DACH1: variants seen among roughly 807,000 people sequenced by gnomAD.
DACH1 encodes the protein dachshund homolog 1.
DACH1 carries 12 observed loss-of-function variants against 54.2 expected under a neutral mutation model. That is an observed-to-expected ratio of 0.22 (90% CI 0.14 to 0.36). DACH1 has a LOEUF of 0.36. DACH1 is among the 10% of genes least tolerant of loss of function. The pLI is 1.00. For synonymous variants in DACH1, 386 were observed against 366.2 expected, an observed-to-expected ratio of 1.05 and a Z score of -0.62; for missense variants, 805 against 929.8, an observed-to-expected ratio of 0.87 and a Z score of 1.75.
chr13:71,661,892 T>C (rs1879516499), intron 2 of DACH1, among the ~76,000 whole-genome samples: 1 of 151,994 alleles, frequency 6.6e-6, no homozygotes, highest in Admixed American at 6.6e-5. Flanking sequence ...TCTGGAACAA[T>C]GGAGAATTAA....
chr13:71,458,874 T>C, intron 10 of DACH1, among the ~76,000 whole-genome samples: 1 of 152,014 alleles, frequency 6.6e-6, no homozygotes, highest in Admixed American at 6.6e-5. Context: ...ATATGTATTT[T>C]ATTAGAAGTA....
chr13:71,460,843 T>A (rs906039792), intron 10 of DACH1, among the ~76,000 whole-genome samples: 29 of 152,080 alleles, frequency 1.9e-4, no homozygotes, highest in Non-Finnish European at 3.8e-4. Flanking sequence ...GCAAATATGT[T>A]ACAAACCTCA....
chr13:71,610,339 C>T (rs780888862), intron 3 of DACH1, among the ~76,000 whole-genome samples: 13 of 152,164 alleles, frequency 8.5e-5, no homozygotes, highest in Non-Finnish European at 1.9e-4. Flanking sequence ...TACTGTCATA[C>T]AGAATATGAA....
At chr13:71,733,715 C>A (rs996723309) in intron 1 of DACH1, among the ~76,000 whole-genome samples, 1 of 152,004 alleles carries the variant, frequency 6.6e-6, no homozygotes, top group Non-Finnish European at 1.5e-5. Context: ...TCATAAGGTG[C>A]CATTTTATTA....
At chr13:71,450,448 C>G (rs1261792666) in intron 10 of DACH1, among the ~76,000 whole-genome samples, 1 of 152,058 alleles carries the variant, frequency 6.6e-6, no homozygotes, top group African/African-American at 2.4e-5. Flanking sequence ...TCTGACTGTT[C>G]CACCAACAAC....
chr13:71,665,913 T>C (rs1879802875), intron 2 of DACH1, among the ~76,000 whole-genome samples: 2 of 152,114 alleles, frequency 1.3e-5, no homozygotes, highest in Admixed American at 1.3e-4. Flanking sequence ...TTAATACTCA[T>C]CTGTTAAATG....
At chr13:71,720,285 A>T (rs1883169519) in intron 1 of DACH1, among the ~76,000 whole-genome samples, 1 of 152,208 alleles carries the variant, frequency 6.6e-6, no homozygotes, top group Non-Finnish European at 1.5e-5. Context: ...AGGCTGGCAG[A>T]CATTTGGACT....
At chr13:71,798,775 C>T (rs1344540987) in intron 1 of DACH1, among the ~76,000 whole-genome samples, 1 of 152,046 alleles carries the variant, frequency 6.6e-6, no homozygotes, top group East Asian at 1.9e-4. Flanking sequence ...ACCTCTGCTG[C>T]TCTTCTCCTT....
chr13:71,593,627 A>T lies in DACH1; in HGVS notation c.1127-20615T>A, dbSNP rs1039508748. Reference sequence around the variant, plus strand: ...TGAATGTTATCCATTTTAAAATTCAAGAAAATGCTGTTGAGTGGGAATATG... The same window carrying T: ...TGAATGTTATCCATTTTAAAATTCATGAAAATGCTGTTGAGTGGGAATATG... On this transcript the variant is annotated intron_variant, in intron 3 of 10. Transcript: ENST00000613252. 1.3e-5 allele frequency among the ~76,000 whole-genome samples: 2 copies of T among 152,130 alleles called. 1 individual carries two copies. The highest frequency in any genetic ancestry group is 3.8e-4 in the East Asian group (2 of 5,206).
intron 2 of DACH1, among the ~76,000 whole-genome samples, chr13:71,664,801 A>C (rs923901822): frequency 1.3e-5 from 2 of 152,018 alleles, no homozygotes; most frequent in African/African-American, 4.8e-5. Flanking sequence ...TACAAATTGA[A>C]TATTTGAAAA....
chr13:71,656,507 T>C (rs1324315696), intron 2 of DACH1, among the ~76,000 whole-genome samples: 4 of 152,120 alleles, frequency 2.6e-5, no homozygotes, highest in African/African-American at 9.7e-5. Context: ...AAATTTTCTC[T>C]GTTTGATTTA....
intron 7 of DACH1, among the ~76,000 whole-genome samples, chr13:71,483,341 T>C (rs1878212635): frequency 6.8e-6 from 1 of 147,896 alleles, no homozygotes; most frequent in Non-Finnish European, 1.5e-5. Context: ...CTTCTCCTAA[T>C]TAATATTATA....
chr13:71,448,594 A>G (rs528836441), intron 10 of DACH1, among the ~76,000 whole-genome samples: 1 of 152,342 alleles, frequency 6.6e-6, no homozygotes, highest in Admixed American at 6.5e-5. Context: ...CTGCTAAAGC[A>G]AGAAAGCAGA....
At chr13:71,747,220 T>C (rs1884636215) in intron 1 of DACH1, among the ~76,000 whole-genome samples, 1 of 151,858 alleles carries the variant, frequency 6.6e-6, no homozygotes, top group African/African-American at 2.4e-5. Flanking sequence ...TGTAATGTAG[T>C]CCACACACTG....
chr13:71,445,865 T>C (rs1593704523), intron 10 of DACH1, among the ~76,000 whole-genome samples: 1 of 152,196 alleles, frequency 6.6e-6, no homozygotes, highest in African/African-American at 2.4e-5. Context: ...GCTGTGGTTC[T>C]AACTCAGCCT....
chr13:71,552,450 T>G (rs945267197), intron 6 of DACH1, among the ~76,000 whole-genome samples: 1 of 151,920 alleles, frequency 6.6e-6, no homozygotes, highest in Non-Finnish European at 1.5e-5. Flanking sequence ...ATAACAAAAA[T>G]GTACATATTG....
At chr13:71,807,892 T>C (rs1887573474) in intron 1 of DACH1, among the ~76,000 whole-genome samples, 1 of 147,532 alleles carries the variant, frequency 6.8e-6, no homozygotes, top group South Asian at 2.1e-4. Context: ...AAAGTCCTCA[T>C]TATTTGCAGC....
At chr13:71,848,702 G>A (rs1006793227) in intron 1 of DACH1, among the ~76,000 whole-genome samples, 1 of 151,996 alleles carries the variant, frequency 6.6e-6, no homozygotes, top group Non-Finnish European at 1.5e-5. Context: ...AAATTTTTTT[G>A]TACAGATGGG....
intron 3 of DACH1, among the ~76,000 whole-genome samples, chr13:71,612,496 A>G (rs1317472300): frequency 1.3e-5 from 2 of 152,080 alleles, no homozygotes; most frequent in Non-Finnish European, 2.9e-5. Flanking sequence ...ATTAGACCTT[A>G]TTTTCCCTAC....
Sources: gnomAD v4.1 joint callset for allele counts (sites outside exome capture counted in the v4.1 genomes callset) on GRCh38, gnomAD v4.1.1 for gene constraint, MANE v1.5 for transcripts, NCBI Gene and HGNC (gene_info 2026-07-23, HGNC 2026-07-21) for gene names.